TCF4: variants seen among roughly 807,000 people sequenced by gnomAD.
The protein encoded by TCF4 is SL3-3 enhancer factor 2.
In TCF4, 3 loss-of-function variants were observed where a neutral mutation model predicts 82.1. That is an observed-to-expected ratio of 0.04 (90% CI 0.02 to 0.09). The LOEUF (loss-of-function observed/expected upper bound fraction) is 0.09, where lower values mean the gene tolerates loss of function less well. Ranked by LOEUF, TCF4 falls within the 10% of genes least tolerant of loss-of-function variation. TCF4 has a pLI of 1.00. For missense variants in TCF4, 518 were observed against 852.7 expected (o/e 0.61, Z 4.89); for synonymous variants, 276 against 309.6 (o/e 0.89, Z 1.14).
At chr18:55,470,652 G>C (rs2096155098) in intron 3 of TCF4, among the ~76,000 whole-genome samples, 2 of 152,146 alleles carry the variant, frequency 1.3e-5, no homozygotes, top group African/African-American at 4.8e-5. Context: ...TTGACGTAGA[G>C]CTGTGTAGTT....
intron 5 of TCF4, 47 bp from the exon 6 acceptor site, chr18:55,403,565 A>C (rs750497921): frequency 6.2e-7 from 1 of 1,613,784 alleles, no homozygotes; most frequent in Non-Finnish European, 8.5e-7. Context: ...TTTTCCTTAA[A>C]AAAAAATCTC....
chr18:55,317,407 A>T (rs1206082405), intron 8 of TCF4, among the ~76,000 whole-genome samples: 4 of 152,072 alleles, frequency 2.6e-5, no homozygotes, highest in Non-Finnish European at 5.9e-5. Context: ...TGAAAATAGT[A>T]AGTATAAGAA....
At chr18:55,385,289 T>C (rs1313338077) in intron 6 of TCF4, among the ~76,000 whole-genome samples, 1 of 152,246 alleles carries the variant, frequency 6.6e-6, no homozygotes, top group East Asian at 1.9e-4. Context: ...AGTTGGGAAC[T>C]TGCATGGCCA....
At chr18:55,302,441 C>A in intron 8 of TCF4, 1 of 1,536,264 alleles carries the variant, frequency 6.5e-7, no homozygotes, top group Non-Finnish European at 8.7e-7. Flanking sequence ...GTGGTCCAGG[C>A]AACATAGCCC....
At chr18:55,507,207 C>T (rs1322874118) in intron 3 of TCF4, among the ~76,000 whole-genome samples, 2 of 152,170 alleles carry the variant, frequency 1.3e-5, no homozygotes, top group Non-Finnish European at 2.9e-5. Context: ...ATAGGATGCA[C>T]TTCATGGCTT....
intron 6 of TCF4, among the ~76,000 whole-genome samples, chr18:55,369,019 G>A (rs991973336): frequency 1.3e-5 from 2 of 152,166 alleles, no homozygotes; most frequent in Non-Finnish European, 2.9e-5. Context: ...TGCTGTCAAG[G>A]CTTTGCCTTA....
intron 8 of TCF4, among the ~76,000 whole-genome samples, chr18:55,310,538 C>T (rs1258784776): frequency 6.6e-6 from 1 of 152,192 alleles, no homozygotes; most frequent in Admixed American, 6.5e-5. Context: ...CAGAAGGCAA[C>T]TGAGGTTTCA....
chr18:55,245,717 G>T (rs530950849), intron 15 of TCF4, among the ~76,000 whole-genome samples: 1 of 152,120 alleles, frequency 6.6e-6, no homozygotes, highest in Non-Finnish European at 1.5e-5. Flanking sequence ...TCTAATTGTT[G>T]AAATTCTATG....
chr18:55,293,239 C>A lies in TCF4; in HGVS notation c.550-13583G>T, dbSNP rs900338666. The stretch of plus-strand genomic sequence containing the variant: ...GGCCCATCTGTAGGCAGATGGAATT[C>A]TAGTAGAGAGGACAAGATGATGGCC... On this transcript the variant is annotated intron_variant, in intron 8 of 19. Coordinates refer to ENST00000354452, the MANE Select transcript of TCF4 (RefSeq NM_001083962.2). Among the ~76,000 whole-genome samples the A allele has an allele frequency of 4.6e-5, 7 of 152,116 alleles. No homozygotes were observed. The East Asian group carries it at 1.4e-3, about 29-fold the overall frequency.
At chr18:55,279,795 TG>T (rs1421338023) in intron 8 of TCF4, 139 bp from the exon 9 acceptor site, 1 of 1,360,314 alleles carries the variant, frequency 7.4e-7, no homozygotes, top group African/African-American at 1.5e-5. Flanking sequence ...CTAGAAACAG[TG>T]CCCTTTCCGA....
Position 55,606,761 on chromosome 18 carries a change from C to T in TCF4, c.287-19625G>A, listed in dbSNP as rs543286166. ...TATTTATTCAGTAATACTTGTTCTC[C>T]TGGTGACAACTGAATGACAATTGAA... On this transcript the variant is annotated intron_variant, in intron 2 of 20. Transcript: ENST00000398339. 5.9e-5 allele frequency among the ~76,000 whole-genome samples: 9 copies of T among 152,294 alleles called. No individual in the cohort carries two copies. The South Asian group carries it at 1.5e-3, about 25-fold the overall frequency.
intron 8 of TCF4, among the ~76,000 whole-genome samples, chr18:55,346,850 C>A (rs1038031335): frequency 6.6e-6 from 1 of 152,116 alleles, no homozygotes; most frequent in African/African-American, 2.4e-5. Flanking sequence ...CTTAAAACAG[C>A]ACAATATAAA....
chr18:55,423,794 G>A (rs753930234), intron 5 of TCF4, among the ~76,000 whole-genome samples: 1 of 151,382 alleles, frequency 6.6e-6, no homozygotes, highest in Non-Finnish European at 1.5e-5. Context: ...CATCTGGGGC[G>A]CTGCGCCCCT....
intron 3 of TCF4, among the ~76,000 whole-genome samples, chr18:55,555,273 C>T (rs544145074): frequency 7.9e-5 from 12 of 152,024 alleles, no homozygotes; most frequent in African/African-American, 2.2e-4. Flanking sequence ...TCAAACAATG[C>T]GAATACTAAA....
chr18:55,403,636 C>A (rs755372231), intron 5 of TCF4, 118 bp from the exon 6 acceptor site: 2 of 1,604,148 alleles, frequency 1.2e-6, no homozygotes, highest in Non-Finnish European at 1.7e-6. Flanking sequence ...GTAGGCACTA[C>A]TGGCAATGTA....
chr18:55,341,712 CA>C (rs954222261), intron 8 of TCF4, among the ~76,000 whole-genome samples: 9 of 150,258 alleles, frequency 6.0e-5, no homozygotes, highest in East Asian at 1.9e-4. Context: ...TTCTATAGGA[CA>C]AAAAAAAATG....
At chr18:55,591,036 G>A (rs2097684495), upstream of TCF4, 1 of 152,144 alleles carries the variant, frequency 6.6e-6, no homozygotes, top group African/African-American at 2.4e-5. Flanking sequence ...TCTGGCAGTG[G>A]GAACATCCTA....
intron 16 of TCF4, among the ~76,000 whole-genome samples, chr18:55,233,734 G>C (rs753525965): frequency 1.3e-4 from 20 of 150,070 alleles, no homozygotes; most frequent in Non-Finnish European, 2.7e-4. Context: ...CAGGAGAATC[G>C]CTTGAACCTG....
rs146351393 is a variant in TCF4, at chr18:55,476,524, G to A, written c.146-12387C>T. On this transcript the variant is annotated intron_variant, in intron 3 of 19. Coordinates refer to ENST00000354452, the MANE Select transcript of TCF4 (RefSeq NM_001083962.2). ...GTCCTGCTCTTCATCTAGGGTATAT[G>A]TAGTGCAGTGGTGCGATCAGGGCTC... Among the ~76,000 whole-genome samples, 75 of 151,404 alleles carry A rather than the reference G, an allele frequency of 5.0e-4. 1 individual carries two copies. Among genetic ancestry groups the A allele is most frequent in the Middle Eastern group, 3.4e-3 (1 of 294 alleles).
Sources: gnomAD v4.1 joint callset for allele counts (sites outside exome capture counted in the v4.1 genomes callset) on GRCh38, gnomAD v4.1.1 for gene constraint, MANE v1.5 for transcripts, NCBI Gene and HGNC (gene_info 2026-07-23, HGNC 2026-07-21) for gene names.